Variants in TMEFF1 observed in about 807,000 individuals in gnomAD.
The protein encoded by TMEFF1 is transmembrane protein with EGF like and two follistatin like domains 1.
In TMEFF1, 20 loss-of-function variants were observed where a neutral mutation model predicts 47.5. The ratio of observed to expected loss-of-function variants is 0.42; its 90% CI spans 0.30 to 0.61. The LOEUF (loss-of-function observed/expected upper bound fraction) is 0.61. Among genes scored for constraint, TMEFF1 ranks in the 20% least tolerant of loss-of-function variants. The pLI is 0.19. For synonymous variants in TMEFF1, 162 were observed against 166.3 expected (o/e 0.97, Z 0.20); for missense variants, 411 against 471.1 (o/e 0.87, Z 1.18).
At position 100,509,026 on chromosome 9, in the gene TMEFF1, G is replaced by T. The variant is rs1275777298; in HGVS notation, c.328G>T (p.Val110Phe). 1.9e-6 allele frequency: 3 copies of T among 1,598,990 alleles called. No homozygotes were observed. The highest frequency in any genetic ancestry group is 8.5e-7 in the Non-Finnish European group (1 of 1,174,986). ...QFQCHTNYIP[V>F]CGSNGDTYQN... Reference sequence around the variant, plus strand: ...GCAGTGCCATACAAATTATATTCCTGTCTGTGGATCAAATGGGGACACTTA... The same window carrying T: ...GCAGTGCCATACAAATTATATTCCTTTCTGTGGATCAAATGGGGACACTTA... Residue 110 changes from valine (V) to phenylalanine (F), a missense_variant, in exon 3 of 10, where the codon GTC becomes TTC. Transcript: ENST00000374879.
At chr9:100,527,471 G>T (rs1304069910) in intron 5 of TMEFF1, among the ~76,000 whole-genome samples, 2 of 152,230 alleles carry the variant, frequency 1.3e-5, no homozygotes, top group East Asian at 3.9e-4. Flanking sequence ...GTCAAAGAAA[G>T]GGGTGACAGA....
At chr9:100,531,412 C>CA (rs1481695572) in intron 5 of TMEFF1, among the ~76,000 whole-genome samples, 1 of 152,114 alleles carries the variant, frequency 6.6e-6, no homozygotes. Flanking sequence ...AATCAGTGTA[C>CA]AAAAATCACA....
At chr9:100,540,564 A>AG (rs926627831) in intron 5 of TMEFF1, among the ~76,000 whole-genome samples, 1 of 152,132 alleles carries the variant, frequency 6.6e-6, no homozygotes, top group Non-Finnish European at 1.5e-5. Context: ...AGCCCCAGAG[A>AG]GGGGCCCCCA....
chr9:100,575,264 C>T (rs1839328918), intron 9 of TMEFF1, among the ~76,000 whole-genome samples: 1 of 152,166 alleles, frequency 6.6e-6, no homozygotes, highest in Non-Finnish European at 1.5e-5. Context: ...ATCAAGACTG[C>T]ATGAGTCAAT....
At chr9:100,540,107 C>T (rs1044936284) in intron 5 of TMEFF1, among the ~76,000 whole-genome samples, 4 of 151,900 alleles carry the variant, frequency 2.6e-5, no homozygotes, top group African/African-American at 4.8e-5. Flanking sequence ...CTCCAAGTCA[C>T]CTACCCCATT....
chr9:100,473,459 C>T lies in TMEFF1; in HGVS notation c.-86C>T. The T allele has an allele frequency of 3.6e-6, 4 of 1,109,142 alleles. No individual in the cohort carries two copies. The South Asian group carries it at 1.1e-4, about 30-fold the overall frequency. 68.7% of individuals were successfully genotyped at this position (1,109,142 alleles called of 1,614,324 possible). A position where few individuals can be genotyped will look rare whatever the true frequency, so the allele number is the denominator to read the frequency against. On this transcript the variant is annotated 5_prime_UTR_variant, in exon 1 of 10. Coordinates refer to ENST00000374879, the MANE Select transcript of TMEFF1 (RefSeq NM_003692.5). The surrounding 1 kb of genome is among the most constrained non-coding windows in gnomAD (Gnocchi z 5.4). ...CAGCGGCGCGGCTGCTAGGAGGCAC[C>T]GAGGCAGCGGCGGGGCTCTGGGCGC...
At chr9:100,499,929 G>A (rs1277980892) in intron 2 of TMEFF1, among the ~76,000 whole-genome samples, 1 of 152,142 alleles carries the variant, frequency 6.6e-6, no homozygotes, top group Non-Finnish European at 1.5e-5. Flanking sequence ...GTTGAAAGGG[G>A]CTTTACATTC....
chr9:100,475,308 A>G (rs922332189), intron 1 of TMEFF1, among the ~76,000 whole-genome samples: 3 of 152,152 alleles, frequency 2.0e-5, no homozygotes, highest in African/African-American at 7.2e-5. Context: ...TATGAGGGGA[A>G]TGGCAGTTTT....
intron 5 of TMEFF1, among the ~76,000 whole-genome samples, chr9:100,527,696 G>A (rs559198833): frequency 7.2e-5 from 11 of 152,304 alleles, no homozygotes; most frequent in South Asian, 2.1e-4. Context: ...GCTTGCTTAC[G>A]TAAACAAAGC....
chr9:100,479,124 G>A (rs1249230142), intron 1 of TMEFF1, among the ~76,000 whole-genome samples: 1 of 152,250 alleles, frequency 6.6e-6, no homozygotes, highest in South Asian at 2.1e-4. Context: ...CTCGGGCAGG[G>A]CTTTTATCTT....
chr9:100,473,348 C>G lies in TMEFF1; in HGVS notation c.-197C>G, dbSNP rs1587806387. ...CCGCGACCCTCGCACGCGCCCGGAC[C>G]CGCCGACTCCGTCCCGAGCGCCGCG... On this transcript the variant is annotated 5_prime_UTR_variant, in exon 1 of 10. Coordinates refer to ENST00000374879, the MANE Select transcript of TMEFF1 (RefSeq NM_003692.5). The surrounding 1 kb of genome is among the most constrained non-coding windows in gnomAD (Gnocchi z 5.4). 2 of 280,374 alleles carry G rather than the reference C, an allele frequency of 7.1e-6. No individual in the cohort carries two copies. Among genetic ancestry groups the G allele is most frequent in the East Asian group, 1.6e-4 (2 of 12,312 alleles). 17.4% of individuals were successfully genotyped at this position (280,374 alleles called of 1,614,324 possible).
intron 3 of TMEFF1, among the ~76,000 whole-genome samples, chr9:100,510,183 A>G (rs971523922): frequency 2.6e-5 from 4 of 152,222 alleles, no homozygotes; most frequent in Non-Finnish European, 4.4e-5. Flanking sequence ...TTCTGACACC[A>G]GCTGAGATCA....
intron 8 of TMEFF1, among the ~76,000 whole-genome samples, chr9:100,566,032 A>G (rs1839120263): frequency 6.6e-6 from 1 of 152,222 alleles, no homozygotes; most frequent in Admixed American, 6.5e-5. Flanking sequence ...TTACTTTTGA[A>G]TGATCAGTGC....
Position 100,526,955 on chromosome 9 carries a change from C to CAAAA in TMEFF1, c.560+10207_560+10210dup, listed in dbSNP as rs55736750. On this transcript the variant is annotated intron_variant, in intron 5 of 9. Coordinates refer to ENST00000374879, the MANE Select transcript of TMEFF1 (RefSeq NM_003692.5). ...TGAAACCCTGTCTCTGCTAAAAATA[C>CAAAA]AAAAAAAAAAAAAAAAAAAAAAAAA... is the stretch of plus-strand genomic sequence containing the variant. Among the ~76,000 whole-genome samples the CAAAA allele has an allele frequency of 7.0e-3, 272 of 38,976 alleles. 6 individuals carry two copies. The highest frequency in any genetic ancestry group is 0.024 in the African/African-American group (265 of 11,076). The allele number at this position is 38,976 out of a possible 152,430, so 25.6% of individuals were successfully genotyped here.
At chr9:100,542,440 T>A (rs1838650670) in intron 5 of TMEFF1, among the ~76,000 whole-genome samples, 1 of 152,232 alleles carries the variant, frequency 6.6e-6, no homozygotes, top group Non-Finnish European at 1.5e-5. Context: ...CCTTTAGAAT[T>A]TCCTTTACTG....
intron 8 of TMEFF1, among the ~76,000 whole-genome samples, chr9:100,565,878 T>C (rs987067844): frequency 3.9e-5 from 6 of 152,220 alleles, no homozygotes; most frequent in Admixed American, 2.0e-4. Context: ...CTTTCCTTCA[T>C]AGAACTCAAA....
intron 5 of TMEFF1, among the ~76,000 whole-genome samples, chr9:100,537,613 G>A (rs146554783): frequency 1.3e-5 from 2 of 152,316 alleles, no homozygotes; most frequent in East Asian, 1.9e-4. Flanking sequence ...GCTGAGAGGA[G>A]CCCTGCACTG....
chr9:100,528,522 G>A (rs1286862439), intron 5 of TMEFF1, among the ~76,000 whole-genome samples: 311 of 144,890 alleles, frequency 2.1e-3, no homozygotes, highest in Non-Finnish European at 2.3e-3. Flanking sequence ...GAAATGAAGC[G>A]AGAAGGGAAG....
At position 100,576,880 on chromosome 9, in the gene TMEFF1, T is replaced by C. The variant is rs988814498; in HGVS notation, c.*280T>C. 3 of 264,182 alleles carry C rather than the reference T, an allele frequency of 1.1e-5. No homozygotes were observed. The highest frequency in any genetic ancestry group is 6.7e-5 in the African/African-American group (3 of 45,106). The allele number at this position is 264,182 out of a possible 1,614,324, so 16.4% of individuals were successfully genotyped here. On this transcript the variant is annotated 3_prime_UTR_variant, in exon 10 of 10. Transcript: ENST00000374879. ...ATGTAATATTTTTGCAAAGATGGAC[T>C]ACTTCACAAATGGTTATAAAGTCAT...
Sources: allele counts gnomAD v4.1 joint callset (sites outside exome capture counted in the v4.1 genomes callset), GRCh38; gene constraint gnomAD v4.1.1; non-coding constraint Gnocchi (gnomAD v3.1); transcripts MANE v1.5; gene names NCBI Gene and HGNC (gene_info 2026-07-23, HGNC 2026-07-21).